The following FBXL17 variants were observed in gnomAD, a reference collection of about 807,000 sequenced individuals.
The protein encoded by FBXL17 is F-box and leucine rich repeat protein 17.
FBXL17 carries 22 observed loss-of-function variants against 66.2 expected under a neutral mutation model. That is an observed-to-expected ratio of 0.33 (90% confidence interval 0.24 to 0.47). The LOEUF is 0.47. FBXL17 is among the 20% of genes least tolerant of loss of function. FBXL17 has a pLI of 1.00. For missense variants in FBXL17, 878 were observed against 948.2 expected, an observed-to-expected ratio of 0.93 and a Z score of 0.97; for synonymous variants, 474 against 400.5, an observed-to-expected ratio of 1.18 and a Z score of -2.19.
At chr5:108,321,427 A>G (rs1759614172) in intron 4 of FBXL17, among the ~76,000 whole-genome samples, 1 of 151,882 alleles carries the variant, frequency 6.6e-6, no homozygotes, top group African/African-American at 2.4e-5. Context: ...GGTATGAAAA[A>G]ATGGCCAGAA....
intron 7 of FBXL17, among the ~76,000 whole-genome samples, chr5:107,891,107 C>T (rs558835752): frequency 3.9e-5 from 6 of 152,122 alleles, no homozygotes; most frequent in South Asian, 2.1e-4. Flanking sequence ...GAAGGCCTCA[C>T]GAAGAAAGTG....
At chr5:108,082,310 T>C (rs1198032710) in intron 6 of FBXL17, among the ~76,000 whole-genome samples, 2 of 152,122 alleles carry the variant, frequency 1.3e-5, no homozygotes, top group Non-Finnish European at 2.9e-5. Context: ...CTCAGCTAGA[T>C]CACTTCCTAG....
At chr5:108,167,307 T>C (rs1465730860) in intron 6 of FBXL17, among the ~76,000 whole-genome samples, 1 of 152,172 alleles carries the variant, frequency 6.6e-6, no homozygotes, top group Non-Finnish European at 1.5e-5. Flanking sequence ...TGATAAAGCA[T>C]CGATGATTGA....
intron 6 of FBXL17, among the ~76,000 whole-genome samples, chr5:108,079,641 T>C (rs1302886224): frequency 6.6e-6 from 1 of 152,214 alleles, no homozygotes; most frequent in Non-Finnish European, 1.5e-5. Context: ...AAAAGTTAAA[T>C]GTGTAATTAT....
Position 107,861,044 on chromosome 5 carries a change from G to T in FBXL17, c.*676C>A, listed in dbSNP as rs553814413. The T allele has an allele frequency of 6.6e-6, 1 of 152,298 alleles. No homozygotes were observed. The highest frequency in any genetic ancestry group is 6.5e-5 in the Admixed American group (1 of 15,296). The allele number at this position is 152,298 out of a possible 1,614,324, so 9.4% of individuals were successfully genotyped here. On this transcript the variant is annotated 3_prime_UTR_variant, in exon 9 of 9. Transcript: ENST00000542267. Reference sequence around the variant, plus strand: ...TAATTAACTTTCGTGAGCTGGCCAGGAGAGTTCAGACTGTTGCCTCTATAT... The same window carrying T: ...TAATTAACTTTCGTGAGCTGGCCAGTAGAGTTCAGACTGTTGCCTCTATAT...
intron 7 of FBXL17, among the ~76,000 whole-genome samples, chr5:107,972,004 A>C (rs993694675): frequency 1.3e-5 from 2 of 152,232 alleles, no homozygotes; most frequent in African/African-American, 4.8e-5. Flanking sequence ...AGCTCTTTAG[A>C]GCCCTCTCTG....
chr5:108,196,537 TACTC>T lies in FBXL17; in HGVS notation c.1615-10294_1615-10291del, dbSNP rs1235958017. Among the ~76,000 whole-genome samples, 22 of 152,340 alleles carry T rather than the reference TACTC, an allele frequency of 1.4e-4. 1 individual carries two copies. In the South Asian group the frequency reaches 1.4e-3, roughly 10 times the overall value. ...GCTACTGCAGGTCAGGACCATGTCT[TACTC>T]ACTTTTGTGTCACCAGTGCTTAACA... On this transcript the variant is annotated intron_variant, in intron 5 of 8. Coordinates refer to ENST00000542267, the MANE Select transcript of FBXL17 (RefSeq NM_001163315.3).
chr5:108,133,208 A>G (rs1459671993), intron 6 of FBXL17, among the ~76,000 whole-genome samples: 1 of 152,166 alleles, frequency 6.6e-6, no homozygotes, highest in Non-Finnish European at 1.5e-5. Flanking sequence ...TAAATTTTAA[A>G]CTTCTCCCAT....
chr5:108,180,547 T>G (rs1752961525), intron 6 of FBXL17, among the ~76,000 whole-genome samples: 1 of 152,134 alleles, frequency 6.6e-6, no homozygotes, highest in Non-Finnish European at 1.5e-5. Flanking sequence ...GGTACTATTT[T>G]AACCTCTAGT....
At chr5:108,167,966 C>T (rs1752472906) in intron 6 of FBXL17, among the ~76,000 whole-genome samples, 1 of 152,126 alleles carries the variant, frequency 6.6e-6, no homozygotes, top group African/African-American at 2.4e-5. Context: ...AAAACTACAT[C>T]TCTTTTAGAG....
intron 6 of FBXL17, among the ~76,000 whole-genome samples, chr5:108,100,665 A>T (rs1158872229): frequency 2.0e-5 from 3 of 152,152 alleles, no homozygotes; most frequent in East Asian, 3.8e-4. Context: ...TATCAACAGC[A>T]TATGTTTCTA....
At position 107,924,511 on chromosome 5, in the gene FBXL17, A is replaced by G. The variant is rs576748794; in HGVS notation, c.1823-43332T>C. Among the ~76,000 whole-genome samples the G allele has an allele frequency of 1.1e-4, 16 of 152,356 alleles. No individual in the cohort carries two copies. In the South Asian group the frequency reaches 3.3e-3, roughly 32 times the overall value. ...ATTCAGAATAAGATGGGTTAAAAAA[A>G]TGGTAAATAAGTGGTCAGGCCAGTA... On this transcript the variant is annotated intron_variant, in intron 7 of 8. Coordinates refer to ENST00000542267, the MANE Select transcript of FBXL17 (RefSeq NM_001163315.3).
chr5:108,016,125 T>C (rs185920886), intron 7 of FBXL17, among the ~76,000 whole-genome samples: 217 of 152,286 alleles, frequency 1.4e-3, no homozygotes, highest in African/African-American at 2.8e-3. Context: ...TAAAATGACA[T>C]CTCCAATCAT....
intron 6 of FBXL17, among the ~76,000 whole-genome samples, chr5:108,155,242 C>A (rs11954908): frequency 6.6e-6 from 1 of 152,106 alleles, no homozygotes; most frequent in Non-Finnish European, 1.5e-5. Context: ...TTAGGCTGGG[C>A]GCGGTGCCTC....
chr5:108,300,668 AATT>A (rs1758548317), intron 4 of FBXL17, among the ~76,000 whole-genome samples: 1 of 151,818 alleles, frequency 6.6e-6, no homozygotes, highest in East Asian at 1.9e-4. Flanking sequence ...TAGACCTAAA[AATT>A]ATTCATTAGT....
chr5:108,003,093 A>T (rs916173657), intron 7 of FBXL17, among the ~76,000 whole-genome samples: 2 of 152,208 alleles, frequency 1.3e-5, no homozygotes, highest in Admixed American at 6.5e-5. Flanking sequence ...AAAGTTAAGG[A>T]CCCAAAAATT....
At chr5:108,157,283 A>C (rs1752031587) in intron 6 of FBXL17, among the ~76,000 whole-genome samples, 1 of 151,860 alleles carries the variant, frequency 6.6e-6, no homozygotes, top group African/African-American at 2.4e-5. Flanking sequence ...TGTCCAAAAG[A>C]CTTTTCCATT....
At chr5:107,978,895 C>T (rs1267973153) in intron 7 of FBXL17, among the ~76,000 whole-genome samples, 1 of 152,120 alleles carries the variant, frequency 6.6e-6, no homozygotes, top group East Asian at 1.9e-4. Context: ...GTGCAGGGGG[C>T]AGGAAGAATT....
intron 6 of FBXL17, among the ~76,000 whole-genome samples, chr5:108,124,988 G>A (rs1370709576): frequency 6.6e-6 from 1 of 151,910 alleles, no homozygotes; most frequent in Non-Finnish European, 1.5e-5. Flanking sequence ...AAAAATCCAT[G>A]TTCAACTAAA....
Sources: allele counts gnomAD v4.1 joint callset (sites outside exome capture counted in the v4.1 genomes callset), GRCh38; gene constraint gnomAD v4.1.1; transcripts MANE v1.5; gene names NCBI Gene and HGNC (gene_info 2026-07-23, HGNC 2026-07-21).